Variants in NCKAP1 observed in about 807,000 individuals in gnomAD.
NCKAP1 encodes nck-associated protein 1.
In NCKAP1, 21 loss-of-function variants were observed where a neutral mutation model predicts 151.2. The ratio of observed to expected loss-of-function variants is 0.14; its 90% CI spans 0.10 to 0.20. The LOEUF is 0.20. Ranked by LOEUF, NCKAP1 falls within the 10% of genes least tolerant of loss-of-function variation. The probability of loss-of-function intolerance (pLI) is 1.00; values close to 1 mark genes in which losing one functional copy is unlikely to be tolerated. For missense variants in NCKAP1, 933 were observed against 1,352.1 expected (o/e 0.69, Z 4.86); for synonymous variants, 484 against 451.8 (o/e 1.07, Z -0.90).
chr2:182,927,764 C>T (rs1696677974), intron 29 of NCKAP1, among the ~76,000 whole-genome samples: 1 of 151,748 alleles, frequency 6.6e-6, no homozygotes, highest in African/African-American at 2.4e-5. Flanking sequence ...TTTTCTCTTT[C>T]AAGCCTAGGA....
rs1190719107 is a variant in NCKAP1, at chr2:182,919,446, A to C, written c.*6256T>G. The C allele has an allele frequency of 6.6e-6, 1 of 152,208 alleles. No homozygotes were observed. Among genetic ancestry groups the C allele is most frequent in the East Asian group, 1.9e-4 (1 of 5,192 alleles). 9.4% of individuals were successfully genotyped at this position (152,208 alleles called of 1,614,324 possible). On this transcript the variant is annotated 3_prime_UTR_variant, in exon 31 of 31. Coordinates refer to ENST00000361354, the MANE Select transcript of NCKAP1 (RefSeq NM_013436.5). The stretch of plus-strand genomic sequence containing the variant: ...TTTCTGGCAGCCAGAATCTGCATGC[A>C]ATCAATGACCATGTGACTAACGTAA...
intron 15 of NCKAP1, among the ~76,000 whole-genome samples, 197 bp from the exon 16 acceptor site, chr2:182,967,558 T>C (rs1697598414): frequency 6.6e-6 from 1 of 152,154 alleles, no homozygotes; most frequent in Non-Finnish European, 1.5e-5. Flanking sequence ...TAAACTGAAA[T>C]ACTAATGTCC....
chr2:182,964,531 T>C (rs1345399711), intron 17 of NCKAP1, 145 bp downstream of exon 17: 1 of 504,248 alleles, frequency 2.0e-6, no homozygotes, highest in East Asian at 3.4e-5. Context: ...TATGTATCTG[T>C]TCAAGCACTT....
chr2:182,971,815 G>C (rs1462162440), intron 15 of NCKAP1, among the ~76,000 whole-genome samples: 1 of 152,076 alleles, frequency 6.6e-6, no homozygotes, highest in Non-Finnish European at 1.5e-5. Context: ...ATTGGGGAAA[G>C]GACAGTCTCT....
chr2:183,014,247 GAT>G (rs2105886563), intron 2 of NCKAP1, among the ~76,000 whole-genome samples: 1 of 152,274 alleles, frequency 6.6e-6, no homozygotes, highest in South Asian at 2.1e-4. Flanking sequence ...TGGAGAATGT[GAT>G]GGAAACATAC....
rs551422237 is a variant in NCKAP1 at position 182,960,312 on chromosome 2, C to T, written c.1881+1847G>A. ...CAAAAGAACAAAGCCGGAGGCATCA[C>T]GCTACCTGACTTCAAACTATATTAC... On this transcript the variant is annotated intron_variant, in intron 18 of 30. Coordinates refer to ENST00000361354, the MANE Select transcript of NCKAP1 (RefSeq NM_013436.5). 2.5e-3 allele frequency among the ~76,000 whole-genome samples: 381 copies of T among 152,298 alleles called. 1 individual carries two copies. The highest frequency in any genetic ancestry group is 8.1e-3 in the African/African-American group (338 of 41,550).
At chr2:183,014,088 G>T (rs1432608305) in intron 2 of NCKAP1, among the ~76,000 whole-genome samples, 1 of 152,062 alleles carries the variant, frequency 6.6e-6, no homozygotes, top group Non-Finnish European at 1.5e-5. Context: ...ATTCTTATTT[G>T]TTCATTATTT....
chr2:182,953,229 T>A lies in NCKAP1; in HGVS notation c.2256A>T (p.Ser752=), dbSNP rs66829551. 0.07 allele frequency: 112,397 copies of A among 1,612,864 alleles called. 4,831 individuals are homozygous for A. The highest frequency in any genetic ancestry group is 0.2 in the African/African-American group (15,224 of 74,936). ...SVRAYMTVLQ[S]IENYVQIDIT... ...TATCAATCTGCACATAGTTTTCTAT[T>A]GACTGGAGTACGGTCATGTATGCTC... The change falls in exon 21 of 31, where the codon TCA becomes TCT. Residue 752 remains serine (S), a synonymous_variant. Coordinates refer to ENST00000361354, the MANE Select transcript of NCKAP1 (RefSeq NM_013436.5).
chr2:183,028,044 G>C (rs755485915), intron 1 of NCKAP1, among the ~76,000 whole-genome samples: 2 of 151,998 alleles, frequency 1.3e-5, no homozygotes, highest in Non-Finnish European at 2.9e-5. Context: ...TTACCAGAAA[G>C]ACGTAATCAA....
At position 183,002,274 on chromosome 2, in the gene NCKAP1, G is replaced by A. The variant is rs1476353576; in HGVS notation, c.370-5C>T. On this transcript the variant is annotated splice_region_variant and splice_polypyrimidine_tract_variant and intron_variant, in intron 4 of 30. Transcript: ENST00000361354. ...TGTTAAATCAAAGTTTACAGTCTAG[G>A]AGAAAAAAAAATCAAGTTCAACTAC... 6.8e-7 allele frequency: 1 copy of A among 1,474,070 alleles called. No individual in the cohort carries two copies. The highest frequency in any genetic ancestry group is 9.2e-7 in the Non-Finnish European group (1 of 1,084,962). The allele number at this position is 1,474,070 out of a possible 1,614,324, so 91.3% of individuals were successfully genotyped here. A position where few individuals can be genotyped will look rare whatever the true frequency, so the allele number is the denominator to read the frequency against.
rs201064901 is a variant in NCKAP1, at chr2:182,994,809, G to A, written c.790+30C>T. 5.8e-6 allele frequency: 9 copies of A among 1,557,716 alleles called. No homozygotes were observed. The African/African-American group carries it at 1.1e-4, about 19-fold the overall frequency. On this transcript the variant is annotated intron_variant, in intron 8 of 30. Transcript: ENST00000361354. ...TTCTCTAAAACATAAAGCCTGGGGA[G>A]TAATCATAACACTAACCCATTTTAC...
intron 24 of NCKAP1, chr2:182,935,581 T>C (rs1696856688): frequency 5.2e-6 from 2 of 383,652 alleles, no homozygotes; most frequent in East Asian, 4.5e-5. Flanking sequence ...TAAGTAACTA[T>C]AGTTTCCATC....
Position 182,976,990 on chromosome 2 carries a change from T to C in NCKAP1, c.1424-39A>G, listed in dbSNP as rs201993961. 6.0e-5 allele frequency: 82 copies of C among 1,356,920 alleles called. No individual in the cohort carries two copies. The East Asian group carries it at 1.9e-3, about 32-fold the overall frequency. 84.1% of individuals were successfully genotyped at this position (1,356,920 alleles called of 1,614,324 possible). A position where few individuals can be genotyped will look rare whatever the true frequency, so the allele number is the denominator to read the frequency against. ...AAAAAAAAAAAGATTACAAAGCAAA[T>C]TAATGTTTTCACAATCTATAAGCAC... On this transcript the variant is annotated intron_variant, in intron 14 of 30. Coordinates refer to ENST00000361354, the MANE Select transcript of NCKAP1 (RefSeq NM_013436.5).
intron 10 of NCKAP1, among the ~76,000 whole-genome samples, chr2:182,985,803 A>C (rs568279667): frequency 6.6e-6 from 1 of 150,396 alleles, no homozygotes; most frequent in South Asian, 2.1e-4. Flanking sequence ...ACTGTCTCAA[A>C]AAAAAAAAAA....
At chr2:182,971,230 T>C (rs1697682394) in intron 15 of NCKAP1, among the ~76,000 whole-genome samples, 1 of 150,584 alleles carries the variant, frequency 6.6e-6, no homozygotes, top group African/African-American at 2.4e-5. Flanking sequence ...CCGTCTCTAC[T>C]AAAAATACAA....
rs1696628445 is a variant in NCKAP1, at chr2:182,925,669, A to C, written c.*33T>G. The C allele has an allele frequency of 1.5e-6, 2 of 1,363,352 alleles. No homozygotes were observed. Among genetic ancestry groups the C allele is most frequent in the Non-Finnish European group, 1.0e-6 (1 of 992,162 alleles). 84.5% of individuals were successfully genotyped at this position (1,363,352 alleles called of 1,614,324 possible). Reference sequence around the variant, plus strand: ...TCTACAGGTAAAACCAAGGCAACAAAAATGCGTGCTTATCTTGATTAAGTA... The same window carrying C: ...TCTACAGGTAAAACCAAGGCAACAACAATGCGTGCTTATCTTGATTAAGTA... On this transcript the variant is annotated 3_prime_UTR_variant, in exon 31 of 31. Transcript: ENST00000361354.
At position 182,963,687 on chromosome 2, in the gene NCKAP1, G is replaced by A. The variant is rs1031622120; in HGVS notation, c.1761+989C>T. Among the ~76,000 whole-genome samples the A allele has an allele frequency of 5.9e-5, 9 of 152,106 alleles. No individual in the cohort carries two copies. In the South Asian group the frequency reaches 6.2e-4, roughly 10 times the overall value. On this transcript the variant is annotated intron_variant, in intron 17 of 30. Transcript: ENST00000361354. The stretch of plus-strand genomic sequence containing the variant: ...AAGACATGACATATAAATAAAATTA[G>A]AAGGATTTTATGGGTAATTTAATGA...
chr2:183,009,964 A>T (rs550407642), intron 2 of NCKAP1, among the ~76,000 whole-genome samples: 11 of 152,350 alleles, frequency 7.2e-5, no homozygotes, highest in Non-Finnish European at 1.5e-4. Context: ...ACACAGACTT[A>T]AACTTCTAAA....
intron 1 of NCKAP1, among the ~76,000 whole-genome samples, chr2:183,024,794 A>G (rs1698864857): frequency 1.3e-5 from 2 of 152,222 alleles, no homozygotes; most frequent in African/African-American, 4.8e-5. Flanking sequence ...GCATTTTGAA[A>G]AGGATGTGTC....
Sources: gnomAD v4.1 joint callset for allele counts (sites outside exome capture counted in the v4.1 genomes callset) on GRCh38, gnomAD v4.1.1 for gene constraint, MANE v1.5 for transcripts, NCBI Gene and HGNC (gene_info 2026-07-23, HGNC 2026-07-21) for gene names.